Variants in FHIT observed in about 807,000 individuals in gnomAD.
The protein encoded by FHIT is bis(5'-adenosyl)-triphosphatase.
A neutral mutation model predicts 17.9 loss-of-function variants in FHIT; 19 were observed. The observed-to-expected ratio is 1.06, with a 90% CI of 0.74 to 1.56. FHIT has a LOEUF of 1.56. Ranked by LOEUF, FHIT falls within the 40% of genes most tolerant of loss-of-function variation. The probability of loss-of-function intolerance (pLI) is 0.00; values close to 1 mark genes in which losing one functional copy is unlikely to be tolerated. For missense variants in FHIT, 248 were observed against 189.2 expected (o/e 1.31, Z -1.82); for synonymous variants, 81 against 69.7 (o/e 1.16, Z -0.81).
intron 4 of FHIT, among the ~76,000 whole-genome samples, chr3:60,600,333 TA>T (rs1648366783): frequency 7.0e-6 from 1 of 142,656 alleles, no homozygotes; most frequent in Admixed American, 7.3e-5. Flanking sequence ...TAAAAAAAAA[TA>T]AGCAGCAAAA....
intron 4 of FHIT, among the ~76,000 whole-genome samples, chr3:60,722,707 C>CTTTTTTTTTTTTTTT (rs1157024624): frequency 9.5e-6 from 1 of 104,946 alleles, no homozygotes; most frequent in Non-Finnish European, 1.9e-5. Flanking sequence ...TACCTTAAAT[C>CTTTTTTTTTTTTTTT]TTTTTTTTTT....
rs1291837054 is a variant in FHIT at position 61,015,591 on chromosome 3, C to CG, written c.-111+26455_-111+26456insC. On this transcript the variant is annotated intron_variant, in intron 3 of 9. Transcript: ENST00000492590. ...GTTTGTTTGTTTTAAAGCAAATCAG[C>CG]ACTCTGGAACTTGGTTCAGATTAGC... is the stretch of plus-strand genomic sequence containing the variant. 2.0e-5 allele frequency among the ~76,000 whole-genome samples: 3 copies of CG among 152,174 alleles called. 1 individual carries two copies. Among genetic ancestry groups the CG allele is most frequent in the Middle Eastern group, 6.3e-3 (2 of 316 alleles).
intron 4 of FHIT, among the ~76,000 whole-genome samples, chr3:60,694,456 A>C (rs1293343612): frequency 6.6e-6 from 1 of 152,208 alleles, no homozygotes; most frequent in Non-Finnish European, 1.5e-5. Flanking sequence ...ACACTTTTAC[A>C]TTGTTGGTGG....
intron 5 of FHIT, among the ~76,000 whole-genome samples, chr3:60,425,524 C>G (rs1702629724): frequency 6.6e-6 from 1 of 152,084 alleles, no homozygotes. Flanking sequence ...ACATGTACCC[C>G]TGAACCTAGC....
intron 8 of FHIT, among the ~76,000 whole-genome samples, chr3:59,884,697 G>A (rs895223802): frequency 2.6e-5 from 4 of 152,156 alleles, no homozygotes; most frequent in Non-Finnish European, 4.4e-5. Context: ...GGGGAGTCAC[G>A]CTATGGGACA....
intron 8 of FHIT, among the ~76,000 whole-genome samples, chr3:59,888,526 G>A (rs1034218516): frequency 3.3e-5 from 5 of 152,052 alleles, no homozygotes; most frequent in African/African-American, 1.2e-4. Flanking sequence ...ATTATTCACT[G>A]GTATATATTC....
Position 59,780,715 on chromosome 3 carries a change from C to A in FHIT, c.349-28394G>T, listed in dbSNP as rs370648184. ...TCTTTCTCTCCACCATGTGAGGATACCTCAAGAAGGTGAACCAGAAGCAGG... is the reference window on the plus strand; with the variant it reads ...TCTTTCTCTCCACCATGTGAGGATAACTCAAGAAGGTGAACCAGAAGCAGG... On this transcript the variant is annotated intron_variant, in intron 8 of 9. Coordinates refer to ENST00000492590, the MANE Select transcript of FHIT (RefSeq NM_002012.4). Among the ~76,000 whole-genome samples, 49 of 152,312 alleles carry A rather than the reference C, an allele frequency of 3.2e-4. No individual in the cohort carries two copies. The South Asian group carries it at 8.9e-3, about 28-fold the overall frequency.
intron 5 of FHIT, among the ~76,000 whole-genome samples, chr3:60,485,734 C>G (rs915431201): frequency 6.6e-6 from 1 of 152,190 alleles, no homozygotes; most frequent in East Asian, 1.9e-4. Flanking sequence ...ACCTATGTAA[C>G]AAACCTGCAT....
At chr3:60,558,313 T>C (rs2036813402) in intron 4 of FHIT, among the ~76,000 whole-genome samples, 1 of 151,990 alleles carries the variant, frequency 6.6e-6, no homozygotes, top group Admixed American at 6.6e-5. Context: ...AACCATTCCA[T>C]GGCTCAGGCC....
chr3:59,947,852 T>C (rs537348471), intron 7 of FHIT, among the ~76,000 whole-genome samples: 1 of 152,222 alleles, frequency 6.6e-6, no homozygotes, highest in Non-Finnish European at 1.5e-5. Context: ...GGTGGGTGTA[T>C]GCCAATTTTG....
At chr3:61,120,726 A>G (rs2036433557) in intron 2 of FHIT, among the ~76,000 whole-genome samples, 1 of 152,070 alleles carries the variant, frequency 6.6e-6, no homozygotes, top group South Asian at 2.1e-4. Flanking sequence ...AAGGGAACAA[A>G]ACTGGACCAA....
At chr3:60,080,322 G>C (rs1014149263) in intron 5 of FHIT, among the ~76,000 whole-genome samples, 1 of 152,092 alleles carries the variant, frequency 6.6e-6, no homozygotes, top group African/African-American at 2.4e-5. Flanking sequence ...TGCTAGGATA[G>C]GAGAAAGCTG....
chr3:60,932,469 A>C (rs548266609), intron 3 of FHIT, among the ~76,000 whole-genome samples: 1 of 152,232 alleles, frequency 6.6e-6, no homozygotes, highest in South Asian at 2.1e-4. Flanking sequence ...AGGCAGCATT[A>C]AGGGATCAGA....
intron 5 of FHIT, among the ~76,000 whole-genome samples, chr3:60,304,682 T>C (rs1708596858): frequency 6.6e-6 from 1 of 152,152 alleles, no homozygotes; most frequent in African/African-American, 2.4e-5. Context: ...GGGACATACT[T>C]ATTCTAAACT....
chr3:59,859,044 T>A (rs1299516769), intron 8 of FHIT, among the ~76,000 whole-genome samples: 2 of 152,164 alleles, frequency 1.3e-5, no homozygotes, highest in African/African-American at 4.8e-5. Context: ...CTAAAATCAT[T>A]CTACACGGAC....
intron 4 of FHIT, among the ~76,000 whole-genome samples, chr3:60,749,894 T>A (rs1031742835): frequency 1.3e-5 from 2 of 152,182 alleles, no homozygotes; most frequent in African/African-American, 4.8e-5. Context: ...GCATGTGACA[T>A]TAACAAGTGA....
intron 5 of FHIT, among the ~76,000 whole-genome samples, chr3:60,390,230 C>A (rs1701166230): frequency 6.6e-6 from 1 of 151,754 alleles, no homozygotes; most frequent in African/African-American, 2.4e-5. Flanking sequence ...ATATGGATAA[C>A]AATTTTTAAA....
At chr3:59,861,727 C>A (rs921364299) in intron 8 of FHIT, among the ~76,000 whole-genome samples, 2 of 152,114 alleles carry the variant, frequency 1.3e-5, no homozygotes, top group African/African-American at 2.4e-5. Flanking sequence ...TCCTGAAGTA[C>A]AAGAAGTCTA....
chr3:60,341,849 C>T (rs1373343620), intron 5 of FHIT, among the ~76,000 whole-genome samples: 2 of 152,114 alleles, frequency 1.3e-5, no homozygotes, highest in Admixed American at 1.3e-4. Context: ...TGGGTCAGAA[C>T]CCTGTACGTG....
Sources: allele counts gnomAD v4.1 joint callset (sites outside exome capture counted in the v4.1 genomes callset), GRCh38; gene constraint gnomAD v4.1.1; transcripts MANE v1.5; gene names NCBI Gene and HGNC (gene_info 2026-07-23, HGNC 2026-07-21).